GRID1: variants seen among roughly 807,000 people sequenced by gnomAD.
GRID1 encodes glutamate receptor ionotropic, delta-1.
In GRID1, 28 loss-of-function variants were observed where a neutral mutation model predicts 98.0. That is an observed-to-expected ratio of 0.29 (90% CI 0.21 to 0.39). The LOEUF (loss-of-function observed/expected upper bound fraction) is 0.39. Among genes scored for constraint, GRID1 ranks in the 10% least tolerant of loss-of-function variants. The pLI is 1.00. For missense variants in GRID1, 1,111 were observed against 1,340.5 expected, an observed-to-expected ratio of 0.83 and a Z score of 2.67; for synonymous variants, 553 against 538.5, an observed-to-expected ratio of 1.03 and a Z score of -0.37.
In GRID1 at chr10:86,067,969, C is replaced by T. The variant is rs373996470; in HGVS notation, c.726+70850G>A. Among the ~76,000 whole-genome samples, 21 of 152,352 alleles carry T rather than the reference C, an allele frequency of 1.4e-4. No individual in the cohort carries two copies. The South Asian group carries it at 2.3e-3, about 17-fold the overall frequency. On this transcript the variant is annotated intron_variant, in intron 4 of 15. Transcript: ENST00000327946. ...GATAAATCACTTCTGCAATGCCAGG[C>T]TCTGCTTCCAAGGAGTCAGACTTAA...
intron 10 of GRID1, among the ~76,000 whole-genome samples, chr10:85,725,209 T>G (rs1207217083): frequency 1.3e-5 from 2 of 152,238 alleles, no homozygotes; most frequent in African/African-American, 4.8e-5. Context: ...ATGTTAGACC[T>G]CATTAACATA....
In GRID1 at chr10:86,192,693, A is replaced by G. The variant is rs1845822640; in HGVS notation, c.520+13671T>C. The stretch of plus-strand genomic sequence containing the variant: ...ACATGGTAAATTTTGTGTTGTATAT[A>G]TATTTTTCCACAATAAAACAAAAAA... On this transcript the variant is annotated intron_variant, in intron 3 of 15. Transcript: ENST00000327946. The surrounding 1 kb of genome is among the most constrained non-coding windows in gnomAD (Gnocchi z 4.8). Among the ~76,000 whole-genome samples the G allele has an allele frequency of 6.6e-6, 1 of 152,188 alleles. No individual in the cohort carries two copies. Among genetic ancestry groups the G allele is most frequent in the East Asian group, 1.9e-4 (1 of 5,178 alleles).
intron 2 of GRID1, among the ~76,000 whole-genome samples, chr10:86,329,190 G>C (rs1481239578): frequency 6.6e-6 from 1 of 152,232 alleles, no homozygotes; most frequent in Non-Finnish European, 1.5e-5. Flanking sequence ...TGATAAAGCG[G>C]CTGCCTGGTT....
At chr10:85,990,696 G>C (rs918880035) in intron 4 of GRID1, among the ~76,000 whole-genome samples, 2 of 152,120 alleles carry the variant, frequency 1.3e-5, no homozygotes. Context: ...CCCTGCAAGT[G>C]GAGAGAGGTG....
chr10:86,252,711 T>G (rs978647856), intron 2 of GRID1, among the ~76,000 whole-genome samples: 8 of 152,250 alleles, frequency 5.3e-5, no homozygotes, highest in South Asian at 4.2e-4. Context: ...GGTCGAGTGG[T>G]GGAAGGATGT....
chr10:85,866,703 G>A (rs1178140283), intron 6 of GRID1, among the ~76,000 whole-genome samples: 2 of 152,074 alleles, frequency 1.3e-5, no homozygotes, highest in African/African-American at 4.8e-5. Flanking sequence ...ATGACTCTGG[G>A]GGATAATATT....
At chr10:85,612,044 T>A (rs758818455) in intron 15 of GRID1, among the ~76,000 whole-genome samples, 5 of 152,160 alleles carry the variant, frequency 3.3e-5, no homozygotes, top group Non-Finnish European at 7.3e-5. Flanking sequence ...AAGACAGATA[T>A]CCCCGAACAT....
chr10:85,893,183 C>T (rs962986101), intron 5 of GRID1, among the ~76,000 whole-genome samples: 1 of 151,946 alleles, frequency 6.6e-6, no homozygotes, highest in Non-Finnish European at 1.5e-5. Context: ...AATTCAAGAT[C>T]CAATTATGTT....
intron 8 of GRID1, among the ~76,000 whole-genome samples, chr10:85,831,737 T>C (rs1038406851): frequency 2.0e-5 from 3 of 152,114 alleles, no homozygotes; most frequent in Non-Finnish European, 4.4e-5. Flanking sequence ...CAATTTTGTT[T>C]AGTAAATGAA....
chr10:86,250,572 C>T (rs1050789927), intron 2 of GRID1, among the ~76,000 whole-genome samples: 1 of 152,152 alleles, frequency 6.6e-6, no homozygotes, highest in Admixed American at 6.5e-5. Flanking sequence ...GGGCAGCCCC[C>T]GCCCGGCCAG....
chr10:85,804,589 T>C (rs1242114010), intron 8 of GRID1, among the ~76,000 whole-genome samples: 1 of 151,846 alleles, frequency 6.6e-6, no homozygotes, highest in Non-Finnish European at 1.5e-5. Flanking sequence ...TTCATCATAA[T>C]AAATCTAATT....
intron 3 of GRID1, among the ~76,000 whole-genome samples, chr10:86,177,752 GC>G (rs1845596697): frequency 6.6e-6 from 1 of 152,150 alleles, no homozygotes; most frequent in Non-Finnish European, 1.5e-5. Flanking sequence ...GACAGTGTGT[GC>G]GTGCGTGTGT....
intron 12 of GRID1, among the ~76,000 whole-genome samples, chr10:85,721,584 G>A (rs922447829): frequency 1.3e-5 from 2 of 152,116 alleles, no homozygotes; most frequent in African/African-American, 4.8e-5. Context: ...ATTATGTTGA[G>A]TAAAAAAACC....
Position 85,743,281 on chromosome 10 carries a change from T to C in GRID1, c.1234-13667A>G, listed in dbSNP as rs115568183. The stretch of plus-strand genomic sequence containing the variant: ...CCAAAGCACTAGACATGTGAGTGAA[T>C]CCATCTTAGACCCTTAAGACAGGTG... On this transcript the variant is annotated intron_variant, in intron 8 of 15. Coordinates refer to ENST00000327946, the MANE Select transcript of GRID1 (RefSeq NM_017551.3). Among the ~76,000 whole-genome samples, 469 of 152,208 alleles carry C rather than the reference T, an allele frequency of 3.1e-3. 3 individuals carry two copies. The highest frequency in any genetic ancestry group is 0.011 in the African/African-American group (447 of 41,536).
intron 5 of GRID1, among the ~76,000 whole-genome samples, chr10:85,889,672 A>G (rs1251256181): frequency 6.6e-6 from 1 of 152,046 alleles, no homozygotes; most frequent in African/African-American, 2.4e-5. Flanking sequence ...GGAGATGTTG[A>G]TTTCCTTTCT....
In GRID1 at chr10:86,249,941, G is replaced by C. The variant is rs189534701; in HGVS notation, c.236-43293C>G. 1.5e-4 allele frequency among the ~76,000 whole-genome samples: 23 copies of C among 152,188 alleles called. No homozygotes were observed. The East Asian group carries it at 4.4e-3, about 29-fold the overall frequency. On this transcript the variant is annotated intron_variant, in intron 2 of 15. Coordinates refer to ENST00000327946, the MANE Select transcript of GRID1 (RefSeq NM_017551.3). Reference sequence around the variant, plus strand: ...AGATGAATGGGTGGGTAGATGGATGGATAGGTGAGTAGGTGAATGGGGGGT... The same window carrying C: ...AGATGAATGGGTGGGTAGATGGATGCATAGGTGAGTAGGTGAATGGGGGGT...
intron 3 of GRID1, among the ~76,000 whole-genome samples, chr10:86,153,195 G>T (rs1016483653): frequency 6.6e-6 from 1 of 152,110 alleles, no homozygotes; most frequent in Non-Finnish European, 1.5e-5. Flanking sequence ...GAGTCTGGGT[G>T]CAAAGGAAGG....
At chr10:86,162,605 G>A (rs942242159) in intron 3 of GRID1, among the ~76,000 whole-genome samples, 2 of 152,168 alleles carry the variant, frequency 1.3e-5, no homozygotes, top group East Asian at 1.9e-4. Context: ...GGTGTCCTGT[G>A]CATAAAAAGG....
intron 4 of GRID1, among the ~76,000 whole-genome samples, chr10:85,925,145 T>C (rs912367137): frequency 6.6e-6 from 1 of 152,190 alleles, no homozygotes; most frequent in African/African-American, 2.4e-5. Flanking sequence ...CAATGGATAC[T>C]TGGATTTTAA....
Sources: gnomAD v4.1 joint callset for allele counts (sites outside exome capture counted in the v4.1 genomes callset) on GRCh38, gnomAD v4.1.1 for gene constraint, Gnocchi (gnomAD v3.1) non-coding constraint, MANE v1.5 for transcripts, NCBI Gene and HGNC (gene_info 2026-07-23, HGNC 2026-07-21) for gene names.